The following DRC9 variants were observed in gnomAD, a reference collection of about 807,000 sequenced individuals.
DRC9 encodes dynein regulatory complex subunit 9.
At chr3:197,938,487 G>C in the DRC9 span, 1 of 1,207,044 alleles carries the variant, frequency 8.3e-7, no homozygotes, top group South Asian at 1.2e-5. Flanking sequence ...CCACCTGGGC[G>C]CCCCTTCGCT....
the DRC9 span, among the ~76,000 whole-genome samples, chr3:197,893,774 G>C: frequency 2.0e-5 from 3 of 152,050 alleles, no homozygotes; most frequent in Non-Finnish European, 4.4e-5. Flanking sequence ...CTTGAACCCG[G>C]GAGACAGAGG....
At chr3:197,927,274 T>C in the DRC9 span, among the ~76,000 whole-genome samples, 52 of 152,218 alleles carry the variant, frequency 3.4e-4, no homozygotes, top group Non-Finnish European at 5.7e-4. Context: ...TTCTCCAGGC[T>C]GGAGTGCAGT....
the DRC9 span, among the ~76,000 whole-genome samples, chr3:197,902,984 T>C: frequency 1.3e-5 from 2 of 152,100 alleles, no homozygotes; most frequent in African/African-American, 4.8e-5. Context: ...AACAGACACA[T>C]AGACCAATGG....
chr3:197,922,887 T>C, the DRC9 span, among the ~76,000 whole-genome samples: 3 of 151,988 alleles, frequency 2.0e-5, no homozygotes, highest in African/African-American at 7.2e-5. Context: ...TTAGGAAACC[T>C]CTGAAAAAGT....
chr3:197,891,968 C>G, the DRC9 span, among the ~76,000 whole-genome samples: 1 of 152,180 alleles, frequency 6.6e-6, no homozygotes, highest in African/African-American at 2.4e-5. Context: ...TGGCTCACTG[C>G]AACCTCCGCC....
the DRC9 span, among the ~76,000 whole-genome samples, chr3:197,896,282 G>A: frequency 1.3e-5 from 2 of 152,002 alleles, no homozygotes; most frequent in African/African-American, 4.8e-5. Context: ...GGCGGAGGTT[G>A]TGGTGAGCCA....
chr3:197,897,334 A>C, the DRC9 span, among the ~76,000 whole-genome samples: 1 of 152,210 alleles, frequency 6.6e-6, no homozygotes, highest in Non-Finnish European at 1.5e-5. Flanking sequence ...AATATAATTA[A>C]GAGAGACAAG....
At chr3:197,909,541 C>T in the DRC9 span, among the ~76,000 whole-genome samples, 1 of 152,186 alleles carries the variant, frequency 6.6e-6, no homozygotes, top group African/African-American at 2.4e-5. Flanking sequence ...CCTAAATCTA[C>T]TGACAGAATG....
chr3:197,934,762 T>G, the DRC9 span, among the ~76,000 whole-genome samples: 58,068 of 148,032 alleles, frequency 0.39, 15,571 homozygotes, highest in African/African-American at 0.78. Flanking sequence ...GAGTCCAGGA[T>G]TTCAAGACCA....
chr3:197,946,172 A>C, the DRC9 span, among the ~76,000 whole-genome samples: 7 of 152,200 alleles, frequency 4.6e-5, no homozygotes, highest in African/African-American at 1.7e-4. Flanking sequence ...GCGGGGGCTC[A>C]CGCCTGTAAT....
chr3:197,893,530 G>C, the DRC9 span, among the ~76,000 whole-genome samples: 1 of 151,382 alleles, frequency 6.6e-6, no homozygotes, highest in South Asian at 2.1e-4. Context: ...AGGATACAAT[G>C]TATTCAAAAT....
At chr3:197,938,749 T>A in the DRC9 span, 6 of 1,613,328 alleles carry the variant, frequency 3.7e-6, no homozygotes, top group Non-Finnish European at 5.1e-6. Context: ...TTTGTCTAGA[T>A]TCGTTCCTTC....
the DRC9 span, among the ~76,000 whole-genome samples, chr3:197,894,109 G>T: frequency 3.7e-4 from 57 of 152,266 alleles, no homozygotes; most frequent in African/African-American, 1.4e-3. Flanking sequence ...AAGTAGGCAG[G>T]ATAGTCTAGT....
chr3:197,915,145 T>C, the DRC9 span, among the ~76,000 whole-genome samples: 9 of 111,174 alleles, frequency 8.1e-5, no homozygotes, highest in African/African-American at 3.0e-4. Context: ...GCCTGGGTGA[T>C]AGAGCGAGAT....
At chr3:197,956,425 T>C in the DRC9 span, 1 of 152,954 alleles carries the variant, frequency 6.5e-6, no homozygotes. Context: ...TTAAGCCATA[T>C]TACTCCACTC....
the DRC9 span, chr3:197,950,360 G>A: frequency 8.2e-7 from 1 of 1,219,654 alleles, no homozygotes. Context: ...AGGGAGAACA[G>A]GATGGAGGAG....
At chr3:197,922,690 A>G in the DRC9 span, among the ~76,000 whole-genome samples, 2 of 151,366 alleles carry the variant, frequency 1.3e-5, no homozygotes, top group African/African-American at 2.4e-5. Context: ...TGGGCGACAG[A>G]GCTAGACTCC....
the DRC9 span, chr3:197,950,020 A>C: frequency 1.2e-6 from 1 of 832,974 alleles, no homozygotes; most frequent in Non-Finnish European, 1.6e-6. Flanking sequence ...GCAGCCTACC[A>C]AGATGAAAGG....
chr3:197,936,220 T>C, the DRC9 span, among the ~76,000 whole-genome samples: 2 of 152,274 alleles, frequency 1.3e-5, 1 homozygote, highest in South Asian at 4.2e-4. Context: ...TTGACAGTAG[T>C]ATGTTATGAT....
Sources: gnomAD v4.1 joint callset for allele counts (sites outside exome capture counted in the v4.1 genomes callset) on GRCh38, gnomAD v4.1.1 for gene constraint, MANE v1.5 for transcripts, NCBI Gene and HGNC (gene_info 2026-07-23, HGNC 2026-07-21) for gene names.